Variants in PCDH15 observed in about 807,000 individuals in gnomAD.
PCDH15 encodes the protein protocadherin related 15.
Under a neutral mutation model 178.5 loss-of-function variants are expected in PCDH15, and 129 were observed. The ratio of observed to expected loss-of-function variants is 0.72; its 90% confidence interval spans 0.63 to 0.84. The LOEUF (loss-of-function observed/expected upper bound fraction) is 0.84. Ranked by LOEUF, PCDH15 falls within the 40% of genes least tolerant of loss-of-function variation. PCDH15 has a pLI of 0.00. For synonymous variants in PCDH15, 800 were observed against 732.0 expected, an observed-to-expected ratio of 1.09 and a Z score of -1.50; for missense variants, 2,230 against 2,099.9, an observed-to-expected ratio of 1.06 and a Z score of -1.21.
intron 2 of PCDH15, among the ~76,000 whole-genome samples, chr10:54,948,143 G>C (rs1278106948): frequency 6.6e-6 from 1 of 151,906 alleles, no homozygotes; most frequent in Non-Finnish European, 1.5e-5. Context: ...CTGCAACCAG[G>C]ATGTAGCATA....
intron 3 of PCDH15, among the ~76,000 whole-genome samples, chr10:54,444,448 T>C (rs2076024824): frequency 1.3e-5 from 2 of 151,766 alleles, no homozygotes; most frequent in South Asian, 4.1e-4. Flanking sequence ...CATCAGTTTA[T>C]TATCATTCTT....
intron 2 of PCDH15, among the ~76,000 whole-genome samples, chr10:55,475,180 G>A (rs1354506034): frequency 6.6e-6 from 1 of 152,008 alleles, no homozygotes; most frequent in Non-Finnish European, 1.5e-5. Context: ...TTGAGTGAAA[G>A]CTCACCCGAA....
intron 2 of PCDH15, among the ~76,000 whole-genome samples, chr10:54,970,909 C>T (rs1055808258): frequency 6.6e-6 from 1 of 152,112 alleles, no homozygotes; most frequent in Non-Finnish European, 1.5e-5. Context: ...AAATATTTAT[C>T]ATATGTTTGT....
In PCDH15 at chr10:54,438,268, C is replaced by CTT. The variant is rs1039826987; in HGVS notation, c.158-59328_158-59327dup. Among the ~76,000 whole-genome samples, 794 of 93,904 alleles carry CTT rather than the reference C, an allele frequency of 8.5e-3. 6 individuals carry two copies. Among genetic ancestry groups the CTT allele is most frequent in the African/African-American group, 0.015 (378 of 25,342 alleles). The allele number at this position is 93,904 out of a possible 152,430, so 61.6% of individuals were successfully genotyped here. On this transcript the variant is annotated intron_variant, in intron 3 of 37. Coordinates refer to ENST00000644397, the MANE Select transcript of PCDH15 (RefSeq NM_001384140.1). Reference sequence around the variant, plus strand: ...GAAGAATTAAAAGAAAAGAGAAAAGCTTTTTTTTTTTTTTTTTTTTTTTAA... The same window carrying CTT: ...GAAGAATTAAAAGAAAAGAGAAAAGCTTTTTTTTTTTTTTTTTTTTTTTTTAA...
intron 2 of PCDH15, among the ~76,000 whole-genome samples, chr10:54,919,706 G>T (rs1837435622): frequency 6.6e-6 from 1 of 152,100 alleles, no homozygotes; most frequent in African/African-American, 2.4e-5. Context: ...TGCAGGACTT[G>T]TCTACATTTC....
intron 2 of PCDH15, among the ~76,000 whole-genome samples, chr10:54,960,146 G>C (rs546541492): frequency 6.6e-6 from 1 of 152,044 alleles, no homozygotes; most frequent in African/African-American, 2.4e-5. Context: ...TGACATTCTA[G>C]TCTGTATTTT....
chr10:54,956,416 C>T (rs944160085), intron 2 of PCDH15, among the ~76,000 whole-genome samples: 1 of 151,366 alleles, frequency 6.6e-6, no homozygotes, highest in Non-Finnish European at 1.5e-5. Context: ...TAGCACTGTC[C>T]TTCAAATGTG....
chr10:53,928,674 T>C (rs750601184), intron 25 of PCDH15, among the ~76,000 whole-genome samples: 7 of 152,040 alleles, frequency 4.6e-5, no homozygotes, highest in Non-Finnish European at 7.4e-5. Flanking sequence ...TAATAGGGCT[T>C]AGTGTGCCTC....
At chr10:55,142,200 C>T (rs901949143) in intron 2 of PCDH15, among the ~76,000 whole-genome samples, 2 of 151,964 alleles carry the variant, frequency 1.3e-5, no homozygotes, top group Admixed American at 6.6e-5. Flanking sequence ...GTCTCCTATC[C>T]CACCTTCTTC....
intron 3 of PCDH15, among the ~76,000 whole-genome samples, chr10:54,506,105 C>G (rs369501288): frequency 7.2e-5 from 11 of 152,092 alleles, no homozygotes; most frequent in African/African-American, 2.7e-4. Context: ...ATCAAATGCA[C>G]AGTTCATGAA....
chr10:54,173,710 T>C (rs907617341), intron 13 of PCDH15, among the ~76,000 whole-genome samples: 2 of 152,130 alleles, frequency 1.3e-5, no homozygotes, highest in Non-Finnish European at 2.9e-5. Context: ...CATACAGTAG[T>C]GATAGAAAAA....
At chr10:55,328,435 C>G (rs932670566) in intron 2 of PCDH15, among the ~76,000 whole-genome samples, 1 of 151,818 alleles carries the variant, frequency 6.6e-6, no homozygotes, top group Non-Finnish European at 1.5e-5. Flanking sequence ...ATACTGAATA[C>G]TGTAGGCAAT....
intron 2 of PCDH15, among the ~76,000 whole-genome samples, chr10:55,119,497 C>CAA (rs11441706): frequency 0.1 from 14,660 of 147,000 alleles, 2,023 homozygotes; most frequent in African/African-American, 0.3. Flanking sequence ...ATCATTCATA[C>CAA]AAAAAAAAAA....
chr10:54,911,912 C>A (rs1193344714), intron 2 of PCDH15, among the ~76,000 whole-genome samples: 2 of 152,160 alleles, frequency 1.3e-5, no homozygotes, highest in Non-Finnish European at 2.9e-5. Flanking sequence ...TCATAAATAA[C>A]CCAGTCTCAA....
rs192276850 is a variant in PCDH15, at chr10:54,561,543, A to G, written c.92-33666T>C. Among the ~76,000 whole-genome samples, 412 of 152,222 alleles carry G rather than the reference A, an allele frequency of 2.7e-3. 1 individual carries two copies. The highest frequency in any genetic ancestry group is 6.1e-3 in the Admixed American group (93 of 15,270). ...ATTGTTTTCTTTTGTTGGTTTTCCC[A>G]GATATATGTACCAATCAGCAGTGGT... is the stretch of plus-strand genomic sequence containing the variant. On this transcript the variant is annotated intron_variant, in intron 2 of 37. Coordinates refer to ENST00000644397, the MANE Select transcript of PCDH15 (RefSeq NM_001384140.1).
intron 8 of PCDH15, among the ~76,000 whole-genome samples, chr10:54,281,586 A>G (rs2058709128): frequency 6.6e-6 from 1 of 152,044 alleles, no homozygotes; most frequent in Non-Finnish European, 1.5e-5. Flanking sequence ...TCATTACTAA[A>G]TGTGTTTAGG....
At chr10:54,295,564 A>T (rs2384442) in intron 8 of PCDH15, among the ~76,000 whole-genome samples, 1 of 152,040 alleles carries the variant, frequency 6.6e-6, no homozygotes, top group East Asian at 1.9e-4. Context: ...GTGAGACTAC[A>T]AACCCACTGG....
At chr10:54,590,713 G>A (rs1277306802) in intron 2 of PCDH15, among the ~76,000 whole-genome samples, 2 of 152,156 alleles carry the variant, frequency 1.3e-5, no homozygotes, top group Admixed American at 1.3e-4. Context: ...GAAGAGCAGA[G>A]TAAAAGTGCT....
chr10:54,805,260 A>G (rs1162917404), upstream of PCDH15, among the ~76,000 whole-genome samples: 1 of 151,840 alleles, frequency 6.6e-6, no homozygotes, highest in African/African-American at 2.4e-5. Context: ...TAGAGAAGGC[A>G]TTTTTTTAAA....
Sources: allele counts gnomAD v4.1 joint callset (sites outside exome capture counted in the v4.1 genomes callset), GRCh38; gene constraint gnomAD v4.1.1; transcripts MANE v1.5; gene names NCBI Gene and HGNC (gene_info 2026-07-23, HGNC 2026-07-21).